The following THSD7B variants were observed in gnomAD, a reference collection of about 807,000 sequenced individuals.
THSD7B encodes thrombospondin type 1 domain containing 7B.
THSD7B carries 138 observed loss-of-function variants against 213.6 expected under a neutral mutation model. The observed-to-expected ratio is 0.65, with a 90% CI of 0.56 to 0.74. The LOEUF is 0.74. Among genes scored for constraint, THSD7B ranks in the 30% least tolerant of loss-of-function variants. THSD7B has a pLI of 0.00. For synonymous variants in THSD7B, 742 were observed against 687.0 expected (o/e 1.08, Z -1.25); for missense variants, 1,931 against 1,991.5 (o/e 0.97, Z 0.58).
intron 1 of THSD7B, among the ~76,000 whole-genome samples, chr2:136,872,896 G>C (rs1414668015): frequency 6.7e-6 from 1 of 150,370 alleles, no homozygotes; most frequent in Non-Finnish European, 1.5e-5. Flanking sequence ...AAAGTAGGGG[G>C]AATTTTAAAG....
chr2:137,662,295 G>A (rs1683365651), intron 25 of THSD7B, among the ~76,000 whole-genome samples: 1 of 143,648 alleles, frequency 7.0e-6, no homozygotes, highest in African/African-American at 2.6e-5. Flanking sequence ...ACGTTAGCCA[G>A]GATGGTCTCG....
intron 2 of THSD7B, 72 bp from the exon 3 acceptor site, chr2:137,056,348 T>G (rs1449451692): frequency 6.9e-7 from 1 of 1,452,404 alleles, no homozygotes; most frequent in Non-Finnish European, 9.2e-7. Flanking sequence ...GTGTGTTAAT[T>G]GACTTCTACT....
In THSD7B at chr2:137,541,558, C is replaced by T. The variant is rs376486902; in HGVS notation, c.3139-21663C>T. ...ATCATTTCTTTGTTTTGGAAACACT[C>T]AATATCTTCCCTCTAGCTATTTGAA... On this transcript the variant is annotated intron_variant, in intron 15 of 27. Coordinates refer to ENST00000409968, the MANE Select transcript of THSD7B (RefSeq NM_001316349.2). Among the ~76,000 whole-genome samples, 6 of 151,732 alleles carry T rather than the reference C, an allele frequency of 4.0e-5. No individual in the cohort carries two copies. The East Asian group carries it at 5.8e-4, about 15-fold the overall frequency.
chr2:136,789,967 C>T (rs1681932702), intron 1 of THSD7B, among the ~76,000 whole-genome samples: 1 of 151,902 alleles, frequency 6.6e-6, no homozygotes, highest in African/African-American at 2.4e-5. Context: ...CAGATTTTGT[C>T]TTTTTTTATT....
intron 7 of THSD7B, among the ~76,000 whole-genome samples, chr2:137,199,035 G>C (rs1302077608): frequency 6.6e-6 from 1 of 152,022 alleles, no homozygotes; most frequent in Non-Finnish European, 1.5e-5. Flanking sequence ...AACCATAAGG[G>C]GCAGAGCTGA....
At chr2:137,127,192 C>T (rs1688645303) in intron 5 of THSD7B, among the ~76,000 whole-genome samples, 1 of 152,114 alleles carries the variant, frequency 6.6e-6, no homozygotes, top group Non-Finnish European at 1.5e-5. Context: ...TGCCACAGAC[C>T]TTCAATTTGT....
chr2:137,051,140 T>A (rs779550925), intron 2 of THSD7B, among the ~76,000 whole-genome samples: 1 of 152,218 alleles, frequency 6.6e-6, no homozygotes, highest in Non-Finnish European at 1.5e-5. Context: ...AGCATTAAGA[T>A]TGTTAATACT....
intron 2 of THSD7B, among the ~76,000 whole-genome samples, chr2:137,019,195 G>A (rs1303831963): frequency 6.6e-6 from 1 of 152,082 alleles, no homozygotes; most frequent in Non-Finnish European, 1.5e-5. Flanking sequence ...TCCAATCCAT[G>A]CCTCATCCTT....
chr2:137,621,786 C>T (rs1682524647), intron 20 of THSD7B, among the ~76,000 whole-genome samples: 1 of 152,162 alleles, frequency 6.6e-6, no homozygotes, highest in African/African-American at 2.4e-5. Flanking sequence ...ACACCTGAGG[C>T]TGGTTAATTT....
chr2:137,542,650 C>T (rs1186302643), intron 15 of THSD7B, among the ~76,000 whole-genome samples: 1 of 151,736 alleles, frequency 6.6e-6, no homozygotes, highest in Non-Finnish European at 1.5e-5. Context: ...AGATTCATAA[C>T]AGTCTTAGTA....
At chr2:136,873,678 C>G (rs367659090) in intron 1 of THSD7B, among the ~76,000 whole-genome samples, 1 of 152,150 alleles carries the variant, frequency 6.6e-6, no homozygotes, top group East Asian at 1.9e-4. Context: ...GAGTGGAGTT[C>G]TGACTTTTGA....
At chr2:137,540,364 G>A (rs143107671) in intron 15 of THSD7B, among the ~76,000 whole-genome samples, 4 of 151,758 alleles carry the variant, frequency 2.6e-5, no homozygotes, top group African/African-American at 7.2e-5. Context: ...TCTGGAGAGC[G>A]CTTACTCACA....
rs1178424867 is a variant in THSD7B at position 137,423,876 on chromosome 2, C to A, written c.2959+12004C>A. Among the ~76,000 whole-genome samples, 7 of 152,112 alleles carry A rather than the reference C, an allele frequency of 4.6e-5. No homozygotes were observed. In the South Asian group the frequency reaches 1.2e-3, roughly 27 times the overall value. On this transcript the variant is annotated intron_variant, in intron 14 of 27. Transcript: ENST00000409968. ...GTCAAACAGTCTTGAAAAGGTGGAA[C>A]AAAGTTGAAAGAGATACACTCTCTA...
intron 1 of THSD7B, among the ~76,000 whole-genome samples, chr2:136,812,646 T>C (rs892433552): frequency 6.6e-6 from 1 of 152,194 alleles, no homozygotes; most frequent in Admixed American, 6.5e-5. Context: ...TCACAGTATG[T>C]TCATTTCCTA....
At chr2:137,437,670 T>C (rs1311173634) in intron 14 of THSD7B, among the ~76,000 whole-genome samples, 1 of 152,110 alleles carries the variant, frequency 6.6e-6, no homozygotes, top group Non-Finnish European at 1.5e-5. Flanking sequence ...AGGAACCTGA[T>C]TGGTGAGGGT....
At position 137,572,410 on chromosome 2, in the gene THSD7B, G is replaced by A. The variant is rs750998639; in HGVS notation, c.3277G>A (p.Val1093Met). The A allele has an allele frequency of 1.9e-6, 3 of 1,613,802 alleles. No individual in the cohort carries two copies. The South Asian group carries it at 3.3e-5, about 18-fold the overall frequency. ...TCTTGTGACCTTGCTTTACAGATGT[G>A]TGAATACTGCGGATGGTGAAGGTGG... ...GGTQSRKIRC[V>M]NTADGEGGAV... The change falls in exon 17 of 28, where the codon GTG becomes ATG. Residue 1093 changes from valine (V) to methionine (M), a missense_variant. By Grantham distance (21) the Val-to-Met change is conservative. Transcript: ENST00000409968.
At chr2:137,366,383 A>G (rs1685408510) in intron 12 of THSD7B, among the ~76,000 whole-genome samples, 1 of 152,116 alleles carries the variant, frequency 6.6e-6, no homozygotes, top group South Asian at 2.1e-4. Flanking sequence ...TAGAACTTAA[A>G]GTATAATAAT....
chr2:137,650,053 G>A (rs1336817550), intron 21 of THSD7B, among the ~76,000 whole-genome samples: 1 of 152,072 alleles, frequency 6.6e-6, no homozygotes, highest in East Asian at 1.9e-4. Context: ...AATGAGTCCC[G>A]ATTATGCCAC....
intron 2 of THSD7B, among the ~76,000 whole-genome samples, chr2:137,054,396 T>C (rs1687122386): frequency 2.0e-5 from 3 of 152,202 alleles, no homozygotes; most frequent in Non-Finnish European, 4.4e-5. Flanking sequence ...CAGGTGTATA[T>C]GGCTAGAACA....
Sources: allele counts gnomAD v4.1 joint callset (sites outside exome capture counted in the v4.1 genomes callset), GRCh38; gene constraint gnomAD v4.1.1; transcripts MANE v1.5; gene names NCBI Gene and HGNC (gene_info 2026-07-23, HGNC 2026-07-21).